Variants in CNTN4 observed in about 807,000 individuals in gnomAD.
The protein encoded by CNTN4 is contactin 4.
A neutral mutation model predicts 122.5 loss-of-function variants in CNTN4; 77 were observed. The observed-to-expected ratio is 0.63, with a 90% CI of 0.52 to 0.76. The LOEUF is 0.76. Among genes scored for constraint, CNTN4 ranks in the 30% least tolerant of loss-of-function variants. The pLI is 0.00. For missense variants in CNTN4, 1,256 were observed against 1,259.1 expected, an observed-to-expected ratio of 1.00 and a Z score of 0.04; for synonymous variants, 512 against 447.0, an observed-to-expected ratio of 1.15 and a Z score of -1.83.
chr3:2,627,552 A>C (rs571457441), intron 4 of CNTN4, among the ~76,000 whole-genome samples: 3 of 133,090 alleles, frequency 2.3e-5, no homozygotes, highest in Non-Finnish European at 4.6e-5. Context: ...GGAGTGTAGT[A>C]GCGCAATCTC....
chr3:2,822,921 A>G (rs2150293632), intron 7 of CNTN4, among the ~76,000 whole-genome samples: 1 of 152,186 alleles, frequency 6.6e-6, no homozygotes, highest in East Asian at 1.9e-4. Flanking sequence ...TATAAGCTCT[A>G]TTAGAAATGG....
intron 6 of CNTN4, among the ~76,000 whole-genome samples, chr3:2,758,584 C>T (rs4685554): frequency 0.19 from 26,963 of 143,344 alleles, 2,842 homozygotes; most frequent in East Asian, 0.37. Context: ...GGGATCTCGG[C>T]TCACCTCTGC....
intron 3 of CNTN4, among the ~76,000 whole-genome samples, chr3:2,530,007 G>T (rs1413076304): frequency 2.0e-5 from 3 of 152,048 alleles, no homozygotes. Context: ...GTGCTTTTTA[G>T]ATTTCCCTCA....
chr3:2,425,781 A>G (rs1191137574), intron 3 of CNTN4, among the ~76,000 whole-genome samples: 1 of 152,098 alleles, frequency 6.6e-6, no homozygotes, highest in Non-Finnish European at 1.5e-5. Flanking sequence ...GAGCTCCTTC[A>G]CAACCCTTGT....
chr3:2,706,968 TTATGTG>T (rs2086778550), intron 4 of CNTN4, among the ~76,000 whole-genome samples: 1 of 151,280 alleles, frequency 6.6e-6, no homozygotes, highest in Non-Finnish European at 1.5e-5. Flanking sequence ...AAGCACTAGA[TTATGTG>T]TATGTGTGTG....
chr3:2,814,806 C>T (rs1393683956), intron 6 of CNTN4, among the ~76,000 whole-genome samples: 1 of 152,162 alleles, frequency 6.6e-6, no homozygotes. Context: ...GCTGCACCTC[C>T]GTGAGCTTCA....
At chr3:2,751,037 C>T (rs751327773) in intron 6 of CNTN4, among the ~76,000 whole-genome samples, 2 of 152,128 alleles carry the variant, frequency 1.3e-5, no homozygotes, top group Non-Finnish European at 2.9e-5. Context: ...CGCGATGGCT[C>T]ATGCCTATAA....
At chr3:2,911,627 T>C (rs926309228) in intron 12 of CNTN4, among the ~76,000 whole-genome samples, 5 of 152,138 alleles carry the variant, frequency 3.3e-5, no homozygotes, top group Admixed American at 3.3e-4. Flanking sequence ...GAATTCTAAT[T>C]ATTCTCATAA....
chr3:2,614,781 C>A (rs2081643367), intron 4 of CNTN4, among the ~76,000 whole-genome samples: 1 of 152,004 alleles, frequency 6.6e-6, no homozygotes, highest in Admixed American at 6.6e-5. Context: ...GCCAGATAAA[C>A]AGTTGGATAC....
intron 2 of CNTN4, among the ~76,000 whole-genome samples, chr3:2,172,333 T>C (rs946550079): frequency 1.4e-4 from 22 of 152,226 alleles, no homozygotes; most frequent in African/African-American, 4.8e-4. Context: ...TTCTCACTTA[T>C]AAGTGGGAGC....
chr3:2,216,102 ACT>A (rs2038828804), intron 2 of CNTN4, among the ~76,000 whole-genome samples: 3 of 152,056 alleles, frequency 2.0e-5, no homozygotes, highest in Admixed American at 2.0e-4. Context: ...TCACTGCAGC[ACT>A]CTTCACAATA....
In CNTN4 at chr3:3,034,734, T is replaced by G. The variant is rs747825656; in HGVS notation, c.1886T>G (p.Met629Arg). Residue 629 changes from methionine to arginine, a missense_variant, in exon 17 of 25, where the codon ATG (methionine) becomes AGG (arginine). Met to Arg is a moderately conservative substitution (Grantham distance 91). Transcript: ENST00000418658. ...CCTGACAACCACAGCCCCATCACCATGTATGTCATTCAAGCCAGGACTCCA... is the reference window on the plus strand; with the variant it reads ...CCTGACAACCACAGCCCCATCACCAGGTATGTCATTCAAGCCAGGACTCCA... ...PGPDNHSPIT[M>R]YVIQARTPFS... 1 of 1,613,976 alleles carries G rather than the reference T, an allele frequency of 6.2e-7. No individual in the cohort carries two copies. Among genetic ancestry groups the G allele is most frequent in the Non-Finnish European group, 8.5e-7 (1 of 1,179,996 alleles).
At chr3:2,457,663 C>T (rs188096863) in intron 3 of CNTN4, among the ~76,000 whole-genome samples, 1 of 152,200 alleles carries the variant, frequency 6.6e-6, no homozygotes, top group African/African-American at 2.4e-5. Context: ...ACTAAAACTC[C>T]CAGGTCCTTT....
intron 8 of CNTN4, among the ~76,000 whole-genome samples, chr3:2,873,676 C>G (rs1029639192): frequency 6.6e-6 from 1 of 152,184 alleles, no homozygotes; most frequent in Non-Finnish European, 1.5e-5. Context: ...CATCAACAGC[C>G]ACTATTTTTC....
chr3:2,236,528 T>G (rs575746503), intron 2 of CNTN4, among the ~76,000 whole-genome samples: 81 of 152,310 alleles, frequency 5.3e-4, no homozygotes, highest in Non-Finnish European at 9.8e-4. Flanking sequence ...GTAAATAGTT[T>G]TGTTTTGTTT....
At chr3:2,888,471 C>T (rs976293196) in intron 10 of CNTN4, among the ~76,000 whole-genome samples, 5 of 152,008 alleles carry the variant, frequency 3.3e-5, no homozygotes, top group African/African-American at 9.7e-5. Flanking sequence ...GAGGATGTGC[C>T]GTGAGGGGTT....
At chr3:2,124,764 A>T (rs2125236294) in intron 2 of CNTN4, among the ~76,000 whole-genome samples, 3 of 152,256 alleles carry the variant, frequency 2.0e-5, no homozygotes. Flanking sequence ...GAGAGTGAAA[A>T]ACAACCAACC....
At chr3:2,792,227 CTA>C (rs1267723651) in intron 6 of CNTN4, among the ~76,000 whole-genome samples, 1 of 152,092 alleles carries the variant, frequency 6.6e-6, no homozygotes, top group Non-Finnish European at 1.5e-5. Context: ...TACATGATCC[CTA>C]TGTTTTCCTG....
At chr3:2,531,996 T>C (rs2077613986) in intron 3 of CNTN4, among the ~76,000 whole-genome samples, 1 of 152,132 alleles carries the variant, frequency 6.6e-6, no homozygotes, top group Non-Finnish European at 1.5e-5. Flanking sequence ...AATGAGAAAC[T>C]GTTGTGTTGC....
Sources: gnomAD v4.1 joint callset for allele counts (sites outside exome capture counted in the v4.1 genomes callset) on GRCh38, gnomAD v4.1.1 for gene constraint, MANE v1.5 for transcripts, NCBI Gene and HGNC (gene_info 2026-07-23, HGNC 2026-07-21) for gene names.